FAM227B: variants seen among roughly 807,000 people sequenced by gnomAD.
FAM227B encodes family with sequence similarity 227 member B.
A neutral mutation model predicts 73.8 loss-of-function variants in FAM227B; 88 were observed. The ratio of observed to expected loss-of-function variants is 1.19; its 90% CI spans 1.00 to 1.42. FAM227B has a LOEUF of 1.42. FAM227B is among the 40% of genes most tolerant of loss of function. The pLI is 0.00. For missense variants in FAM227B, 632 were observed against 590.9 expected (o/e 1.07, Z -0.72); for synonymous variants, 210 against 190.5 (o/e 1.10, Z -0.84).
rs77062001 is a variant in FAM227B, at chr15:49,568,141, A to G, written c.747+104T>C. 1.1e-4 allele frequency: 115 copies of G among 1,076,166 alleles called. No homozygotes were observed. The East Asian group carries it at 3.0e-3, about 28-fold the overall frequency. 66.7% of individuals were successfully genotyped at this position (1,076,166 alleles called of 1,614,324 possible). A position where few individuals can be genotyped will look rare whatever the true frequency, so the allele number is the denominator to read the frequency against. On this transcript the variant is annotated intron_variant, in intron 9 of 15. Transcript: ENST00000299338. Reference sequence around the variant, plus strand: ...ATACTCTACACCAACTTTGCTTTCAAAAGTAACAAAATATATTCTCATATG... The same window carrying G: ...ATACTCTACACCAACTTTGCTTTCAGAAGTAACAAAATATATTCTCATATG...
rs1225131769 is a variant in FAM227B, at chr15:49,550,687, G to A, written c.748-8881C>T. On this transcript the variant is annotated intron_variant, in intron 9 of 15. Coordinates refer to ENST00000299338, the MANE Select transcript of FAM227B (RefSeq NM_152647.3). ...TCTCCCCACATCTCAGACGATGGGC[G>A]GCCGGGCAGAGACGCTCCTCACTTC... Among the ~76,000 whole-genome samples, 321 of 151,606 alleles carry A rather than the reference G, an allele frequency of 2.1e-3. 4 individuals carry two copies. The highest frequency in any genetic ancestry group is 2.7e-3 in the Non-Finnish European group (183 of 67,808).
At chr15:49,337,176 T>C (rs2039860147) in intron 13 of FAM227B, among the ~76,000 whole-genome samples, 1 of 152,214 alleles carries the variant, frequency 6.6e-6, no homozygotes, top group African/African-American at 2.4e-5. Flanking sequence ...GTCTTTTTGG[T>C]GGAATAATTT....
chr15:49,503,745 A>G (rs988316092), intron 11 of FAM227B, among the ~76,000 whole-genome samples: 2 of 152,244 alleles, frequency 1.3e-5, no homozygotes, highest in African/African-American at 4.8e-5. Flanking sequence ...CACACCAGTT[A>G]GAATGGTGAT....
chr15:49,481,978 T>TA (rs994063524), intron 11 of FAM227B, among the ~76,000 whole-genome samples: 12 of 151,918 alleles, frequency 7.9e-5, no homozygotes, highest in Non-Finnish European at 1.3e-4. Flanking sequence ...AAAAATGAAG[T>TA]AAAAAAAATA....
At chr15:49,541,905 T>G in intron 9 of FAM227B, 99 bp from the exon 10 acceptor site, 1 of 957,064 alleles carries the variant, frequency 1.0e-6, no homozygotes, top group Non-Finnish European at 1.4e-6. Context: ...TGCCTTGCAA[T>G]TTATTAACCG....
At chr15:49,602,600 C>T (rs1404007732) in intron 3 of FAM227B, among the ~76,000 whole-genome samples, 2 of 152,186 alleles carry the variant, frequency 1.3e-5, no homozygotes, top group Non-Finnish European at 2.9e-5. Context: ...TGGGCTGTCT[C>T]TTCACTTTAC....
intron 8 of FAM227B, among the ~76,000 whole-genome samples, chr15:49,573,416 T>C (rs1222038161): frequency 2.6e-5 from 4 of 152,170 alleles, no homozygotes; most frequent in Non-Finnish European, 5.9e-5. Flanking sequence ...GGTGCTACGA[T>C]TTGAATGTGT....
At chr15:49,506,221 AGGGT>A (rs2058572418) in intron 11 of FAM227B, among the ~76,000 whole-genome samples, 1 of 152,046 alleles carries the variant, frequency 6.6e-6, no homozygotes, top group East Asian at 1.9e-4. Flanking sequence ...ATATAGAACT[AGGGT>A]GAGCAAAATT....
chr15:49,354,727 T>C (rs1469786461), intron 13 of FAM227B, among the ~76,000 whole-genome samples: 1 of 152,112 alleles, frequency 6.6e-6, no homozygotes, highest in African/African-American at 2.4e-5. Flanking sequence ...TCGAACTGGG[T>C]GGAGCCCACC....
chr15:49,539,944 T>C (rs2070824023), intron 10 of FAM227B, among the ~76,000 whole-genome samples: 1 of 152,198 alleles, frequency 6.6e-6, no homozygotes, highest in African/African-American at 2.4e-5. Context: ...AGCTGAGGCC[T>C]AGAATGTGGG....
At chr15:49,392,715 G>C (rs1165201560) in intron 11 of FAM227B, among the ~76,000 whole-genome samples, 1 of 152,146 alleles carries the variant, frequency 6.6e-6, no homozygotes, top group Non-Finnish European at 1.5e-5. Flanking sequence ...TGAAATAACT[G>C]GTGGGTAATT....
intron 11 of FAM227B, among the ~76,000 whole-genome samples, chr15:49,443,689 C>T (rs1597227607): frequency 6.6e-6 from 1 of 151,804 alleles, no homozygotes; most frequent in African/African-American, 2.4e-5. Flanking sequence ...CATTCATTTA[C>T]CTTCTTCTTA....
At chr15:49,609,338 T>C (rs1448127935) in intron 3 of FAM227B, among the ~76,000 whole-genome samples, 1 of 149,040 alleles carries the variant, frequency 6.7e-6, no homozygotes, top group African/African-American at 2.5e-5. Flanking sequence ...AAGAGAGGAG[T>C]AGATGATATA....
intron 10 of FAM227B, among the ~76,000 whole-genome samples, chr15:49,535,394 T>C (rs1484062063): frequency 1.3e-5 from 2 of 151,566 alleles, no homozygotes; most frequent in African/African-American, 4.8e-5. Flanking sequence ...AGCTGGAACA[T>C]ACCAACAACA....
chr15:49,365,420 T>C lies in FAM227B; in HGVS notation c.1271+2028A>G, dbSNP rs183907984. 2.8e-5 allele frequency: 28 copies of C among 1,000,514 alleles called. No individual in the cohort carries two copies. The East Asian group carries it at 3.6e-4, about 13-fold the overall frequency. 62.0% of individuals were successfully genotyped at this position (1,000,514 alleles called of 1,614,324 possible). On this transcript the variant is annotated intron_variant, in intron 13 of 15. Coordinates refer to ENST00000299338, the MANE Select transcript of FAM227B (RefSeq NM_152647.3). Reference sequence around the variant, plus strand: ...AGTCTAAACATCAACTCTTCTACAGTACGCAAGCAACAGGCCTGTACAATA... The same window carrying C: ...AGTCTAAACATCAACTCTTCTACAGCACGCAAGCAACAGGCCTGTACAATA...
At chr15:49,534,146 A>T (rs923441852) in intron 10 of FAM227B, among the ~76,000 whole-genome samples, 2 of 151,850 alleles carry the variant, frequency 1.3e-5, no homozygotes, top group African/African-American at 4.8e-5. Flanking sequence ...ATTTCCCATG[A>T]GAACCATTTC....
At chr15:49,462,148 G>A (rs2053855508) in intron 11 of FAM227B, among the ~76,000 whole-genome samples, 1 of 152,148 alleles carries the variant, frequency 6.6e-6, no homozygotes, top group East Asian at 1.9e-4. Context: ...AAGGCAGTAT[G>A]AGAGCATGGT....
chr15:49,419,426 C>CT, intron 11 of FAM227B, among the ~76,000 whole-genome samples: 1 of 152,120 alleles, frequency 6.6e-6, no homozygotes. Flanking sequence ...GCATTTATGA[C>CT]TTTTTTCCCT....
chr15:49,429,978 G>T (rs1344074720), intron 11 of FAM227B, among the ~76,000 whole-genome samples: 1 of 151,906 alleles, frequency 6.6e-6, no homozygotes, highest in Non-Finnish European at 1.5e-5. Flanking sequence ...CAGGGGTCTT[G>T]GGAATGTTTC....
Sources: gnomAD v4.1 joint callset for allele counts (sites outside exome capture counted in the v4.1 genomes callset) on GRCh38, gnomAD v4.1.1 for gene constraint, MANE v1.5 for transcripts, NCBI Gene and HGNC (gene_info 2026-07-23, HGNC 2026-07-21) for gene names.